DET1: variants seen among roughly 807,000 people sequenced by gnomAD.
DET1 encodes the protein DET1 partner of COP1 E3 ubiquitin ligase.
In DET1, 22 loss-of-function variants were observed where a neutral mutation model predicts 43.7. The observed-to-expected ratio is 0.50, with a 90% CI of 0.36 to 0.72. The LOEUF (loss-of-function observed/expected upper bound fraction) is 0.72. Ranked by LOEUF, DET1 falls within the 30% of genes least tolerant of loss-of-function variation. The pLI is 0.00. For missense variants in DET1, 713 were observed against 713.3 expected, an observed-to-expected ratio of 1.00 and a Z score of 0.00; for synonymous variants, 315 against 266.2, an observed-to-expected ratio of 1.18 and a Z score of -1.79.
At position 88,512,760 on chromosome 15, in the gene DET1, A is replaced by T. The variant is rs1360205648; in HGVS notation, c.*191T>A. ...AGAGGATATTATAACAATCAGTAGCAGTATTGTATACAATTTAAAAATTCC... is the reference window on the plus strand; with the variant it reads ...AGAGGATATTATAACAATCAGTAGCTGTATTGTATACAATTTAAAAATTCC... On this transcript the variant is annotated 3_prime_UTR_variant, in exon 5 of 5. Coordinates refer to ENST00000268148, the MANE Select transcript of DET1 (RefSeq NM_001144074.3). 5.2e-6 allele frequency: 7 copies of T among 1,333,518 alleles called. No individual in the cohort carries two copies. Among genetic ancestry groups the T allele is most frequent in the Non-Finnish European group, 6.7e-6 (7 of 1,045,114 alleles). The allele number at this position is 1,333,518 out of a possible 1,614,324, so 82.6% of individuals were successfully genotyped here.
chr15:88,531,448 C>T lies in DET1; in HGVS notation c.258G>A (p.Glu86=). The change falls in exon 2 of 5, where the codon GAG becomes GAA. Residue 86 remains glutamate (E), a synonymous_variant. Transcript: ENST00000268148. The surrounding 1 kb of genome is among the most constrained non-coding windows in gnomAD (Gnocchi z 6.2). ...SSDQTSLEIY[E]YQGCQAAEDL... ...CCTCTGCTGCCTGGCAGCCCTGGTA[C>T]TCATAGATTTCAAGAGATGTCTGGT... 2.5e-6 allele frequency: 4 copies of T among 1,613,996 alleles called. No individual in the cohort carries two copies. The highest frequency in any genetic ancestry group is 2.5e-6 in the Non-Finnish European group (3 of 1,179,904).
intron 1 of DET1, among the ~76,000 whole-genome samples, chr15:88,544,509 A>G (rs958282832): frequency 3.3e-5 from 5 of 152,208 alleles, no homozygotes; most frequent in Non-Finnish European, 7.4e-5. Flanking sequence ...CACTTGTTCA[A>G]GGAAACCATC....
intron 8 of DET1, chr15:88,503,073 G>C (rs180830857): frequency 6.6e-6 from 1 of 152,148 alleles, no homozygotes; most frequent in Non-Finnish European, 1.5e-5. Flanking sequence ...AGACCAGCCT[G>C]GCCAGCATGG....
chr15:88,518,465 T>C (rs1288397498), intron 3 of DET1, among the ~76,000 whole-genome samples: 1 of 152,130 alleles, frequency 6.6e-6, no homozygotes, highest in Non-Finnish European at 1.5e-5. Flanking sequence ...TAGGATACAA[T>C]ACTGTCTATA....
chr15:88,544,824 A>T (rs2057205471), intron 1 of DET1, among the ~76,000 whole-genome samples: 1 of 152,158 alleles, frequency 6.6e-6, no homozygotes, highest in South Asian at 2.1e-4. Context: ...GGTACCTCTA[A>T]GGAAGTCTCC....
chr15:88,510,275 G>A (rs764061152), downstream of DET1, among the ~76,000 whole-genome samples: 2 of 152,162 alleles, frequency 1.3e-5, no homozygotes, highest in Non-Finnish European at 1.5e-5. Context: ...GACTAAGGTG[G>A]AGGAAAGTGC....
intron 1 of DET1, among the ~76,000 whole-genome samples, chr15:88,543,343 T>A (rs1256421112): frequency 6.6e-6 from 1 of 152,236 alleles, no homozygotes; most frequent in African/African-American, 2.4e-5. Flanking sequence ...CAGCTCCTCA[T>A]GCTGTAGAGA....
rs1440815519 is a variant in DET1, at chr15:88,506,297, G to A, written c.*2066-2310C>T. On this transcript the variant is annotated intron_variant and NMD_transcript_variant, in intron 7 of 8. Transcript: ENST00000557842. ...ATCATAGGTGACACAGCCAGGGTTT[G>A]CACCAGGCTTCACATGAAACTTATT... 2.0e-5 allele frequency among the ~76,000 whole-genome samples: 3 copies of A among 152,204 alleles called. No individual in the cohort carries two copies. The East Asian group carries it at 5.8e-4, about 29-fold the overall frequency.
chr15:88,521,614 T>A lies in DET1; in HGVS notation c.1272-4641A>T, dbSNP rs116140320. Reference sequence around the variant, plus strand: ...AAAAGGTACATGAGAGGTAATCTTTTCAGACTTCACAGGTTTGAAAATGTC... The same window carrying A: ...AAAAGGTACATGAGAGGTAATCTTTACAGACTTCACAGGTTTGAAAATGTC... On this transcript the variant is annotated intron_variant, in intron 3 of 4. Coordinates refer to ENST00000268148, the MANE Select transcript of DET1 (RefSeq NM_001144074.3). Among the ~76,000 whole-genome samples the A allele has an allele frequency of 5.4e-3, 826 of 152,270 alleles. 10 individuals are homozygous for A. Among genetic ancestry groups the A allele is most frequent in the African/African-American group, 0.019 (782 of 41,536 alleles).
Position 88,540,136 on chromosome 15 carries a change from G to A in DET1, c.-11+6404C>T, listed in dbSNP as rs138097474. Among the ~76,000 whole-genome samples the A allele has an allele frequency of 5.9e-3, 891 of 151,848 alleles. 11 individuals carry two copies. Among genetic ancestry groups the A allele is most frequent in the African/African-American group, 0.019 (790 of 41,368 alleles). On this transcript the variant is annotated intron_variant, in intron 1 of 4. Coordinates refer to ENST00000268148, the MANE Select transcript of DET1 (RefSeq NM_001144074.3). ...GTCTCCAGGACTTGGCTCTGCTCTC[G>A]CTCCTTGAACCCTTGAAAGAAAGAG...
rs34945813 is a variant in DET1, at chr15:88,539,448, TAA to T, written c.-11+7090_-11+7091del. Among the ~76,000 whole-genome samples the T allele has an allele frequency of 1.5e-3, 148 of 96,444 alleles. 1 individual carries two copies. Among genetic ancestry groups the T allele is most frequent in the Middle Eastern group, 5.4e-3 (1 of 186 alleles). 63.3% of individuals were successfully genotyped at this position (96,444 alleles called of 152,430 possible). ...ACGGGAGGGCCCCCCCTTGTCTGTCTAAAAAAAAAAAAAAAAAAAAAAAGGAA... is the reference window on the plus strand; with the variant it reads ...ACGGGAGGGCCCCCCCTTGTCTGTCTAAAAAAAAAAAAAAAAAAAAAGGAA... On this transcript the variant is annotated intron_variant, in intron 1 of 4. Coordinates refer to ENST00000268148, the MANE Select transcript of DET1 (RefSeq NM_001144074.3).
rs575369245 is a variant in DET1, at chr15:88,506,311, A to G, written c.*2066-2324T>C. ...AGCCAGGGTTTGCACCAGGCTTCACATGAAACTTATTCCCATAATTCTATC... is the reference window on the plus strand; with the variant it reads ...AGCCAGGGTTTGCACCAGGCTTCACGTGAAACTTATTCCCATAATTCTATC... On this transcript the variant is annotated intron_variant and NMD_transcript_variant, in intron 7 of 8. Coordinates refer to the DET1 transcript ENST00000557842. Among the ~76,000 whole-genome samples, 4 of 152,356 alleles carry G rather than the reference A, an allele frequency of 2.6e-5. No individual in the cohort carries two copies. In the East Asian group the frequency reaches 7.7e-4, roughly 29 times the overall value.
chr15:88,540,106 T>G (rs2057065063), intron 1 of DET1, among the ~76,000 whole-genome samples: 1 of 152,064 alleles, frequency 6.6e-6, no homozygotes, highest in South Asian at 2.1e-4. Flanking sequence ...GACAGCAAGT[T>G]CAGTGTCTCC....
chr15:88,540,644 ATTC>A (rs1343463041), intron 1 of DET1, among the ~76,000 whole-genome samples: 2 of 150,606 alleles, frequency 1.3e-5, no homozygotes, highest in Non-Finnish European at 3.0e-5. Flanking sequence ...ACTAAGAAAA[ATTC>A]TTCTGCCTTG....
rs1453807584 is a variant in DET1, at chr15:88,512,944, G to A, written c.*7C>T. The A allele has an allele frequency of 6.2e-7, 1 of 1,612,428 alleles. No individual in the cohort carries two copies. Among genetic ancestry groups the A allele is most frequent in the East Asian group, 2.2e-5 (1 of 44,854 alleles). ...GAAGACCAGATAATCTGGCTCTGGT[G>A]AGGCACCTACGTGCAGCAGTGTCGC... is the stretch of plus-strand genomic sequence containing the variant. On this transcript the variant is annotated 3_prime_UTR_variant, in exon 5 of 5. Transcript: ENST00000268148.
At chr15:88,532,400 C>A (rs2056839304) in intron 1 of DET1, among the ~76,000 whole-genome samples, 2 of 152,164 alleles carry the variant, frequency 1.3e-5, no homozygotes, top group Non-Finnish European at 2.9e-5. Flanking sequence ...AAATAATCTA[C>A]AGATTCAATA....
chr15:88,539,807 G>C (rs2057056319), intron 1 of DET1, among the ~76,000 whole-genome samples: 1 of 152,192 alleles, frequency 6.6e-6, no homozygotes, highest in Non-Finnish European at 1.5e-5. Flanking sequence ...TGGGCATTTA[G>C]ATTGCCATAC....
At chr15:88,521,768 C>G (rs913118305) in intron 3 of DET1, among the ~76,000 whole-genome samples, 1 of 151,968 alleles carries the variant, frequency 6.6e-6, no homozygotes, top group Non-Finnish European at 1.5e-5. Context: ...ATTATGATGA[C>G]TTATTGTTTT....
intron 1 of DET1, among the ~76,000 whole-genome samples, chr15:88,542,432 C>A (rs549922389): frequency 6.6e-6 from 1 of 152,192 alleles, no homozygotes; most frequent in South Asian, 2.1e-4. Context: ...GATGAGTCAC[C>A]AGGAGCGTTT....
Sources: gnomAD v4.1 joint callset for allele counts (sites outside exome capture counted in the v4.1 genomes callset) on GRCh38, gnomAD v4.1.1 for gene constraint, Gnocchi (gnomAD v3.1) non-coding constraint, MANE v1.5 for transcripts, NCBI Gene and HGNC (gene_info 2026-07-23, HGNC 2026-07-21) for gene names.